Variants in NOTCH2NLC observed in about 807,000 individuals in gnomAD.
NOTCH2NLC encodes notch homolog 2 N-terminal-like protein C.
A neutral mutation model predicts 17.7 loss-of-function variants in NOTCH2NLC; 4 were observed. The ratio of observed to expected loss-of-function variants is 0.23; its 90% CI spans 0.11 to 0.52. The LOEUF is 0.52. NOTCH2NLC is among the 20% of genes least tolerant of loss of function. The probability of loss-of-function intolerance (pLI) is 0.96; values close to 1 mark genes in which losing one functional copy is unlikely to be tolerated. For synonymous variants in NOTCH2NLC, 18 were observed against 86.0 expected (o/e 0.21, Z 4.38); for missense variants, 57 against 207.2 (o/e 0.28, Z 4.45).
intron 1 of NOTCH2NLC, among the ~76,000 whole-genome samples, chr1:149,400,140 T>TATATA (rs1177183791): frequency 4.8e-4 from 60 of 124,180 alleles, no homozygotes; most frequent in South Asian, 2.8e-3. Context: ...ATAATATATA[T>TATATA]TTTTTTTTTA....
rs878889477 is a variant in NOTCH2NLC, at chr1:149,462,833, A to ATTTT, written c.470-641_470-638dup. Among the ~76,000 whole-genome samples the ATTTT allele has an allele frequency of 4.3e-5, 5 of 117,066 alleles. 1 individual carries two copies. Among genetic ancestry groups the ATTTT allele is most frequent in the East Asian group, 2.5e-4 (1 of 3,968 alleles). 76.8% of individuals were successfully genotyped at this position (117,066 alleles called of 152,430 possible). On this transcript the variant is annotated intron_variant, in intron 3 of 4. Transcript: ENST00000650865. ...CACTAGGAAAACAGACGGGAAGTTG[A>ATTTT]TTTTTTTTTTTTTTTTTTTTGAAAT...
At chr1:149,430,058 C>G (rs1375583253) in intron 1 of NOTCH2NLC, among the ~76,000 whole-genome samples, 9 of 150,234 alleles carry the variant, frequency 6.0e-5, no homozygotes, top group African/African-American at 2.2e-4. Flanking sequence ...AATTATCCAG[C>G]AAGTGATTGG....
At chr1:149,399,864 G>A (rs2084233000) in intron 1 of NOTCH2NLC, among the ~76,000 whole-genome samples, 8 of 148,322 alleles carry the variant, frequency 5.4e-5, no homozygotes. Flanking sequence ...GGTTTACGTA[G>A]CAACAGAATT....
chr1:149,416,269 G>A (rs1376479229), intron 1 of NOTCH2NLC, among the ~76,000 whole-genome samples: 1 of 75,022 alleles, frequency 1.3e-5, no homozygotes, highest in East Asian at 3.9e-4. Context: ...TTGTTGGTTT[G>A]GGAAGGTGAG....
chr1:149,460,259 T>C (rs1287927270), intron 3 of NOTCH2NLC, among the ~76,000 whole-genome samples: 1 of 149,544 alleles, frequency 6.7e-6, no homozygotes, highest in Non-Finnish European at 1.5e-5. Context: ...TTCTTCATAA[T>C]TAAAATGTCA....
At chr1:149,419,334 G>A (rs1471635356) in intron 1 of NOTCH2NLC, among the ~76,000 whole-genome samples, 1 of 150,654 alleles carries the variant, frequency 6.6e-6, no homozygotes, top group Non-Finnish European at 1.5e-5. Context: ...AGGTGTTGCT[G>A]CAAATGGAGA....
chr1:149,429,431 A>T (rs1246814408), intron 1 of NOTCH2NLC, among the ~76,000 whole-genome samples: 1 of 150,034 alleles, frequency 6.7e-6, no homozygotes, highest in Non-Finnish European at 1.5e-5. Flanking sequence ...GGCAGTAGGC[A>T]GGCCACTTAT....
chr1:149,417,141 G>A (rs2084340473), intron 1 of NOTCH2NLC, among the ~76,000 whole-genome samples: 1 of 106,702 alleles, frequency 9.4e-6, no homozygotes, highest in Non-Finnish European at 1.7e-5. Flanking sequence ...ACAGAGTCTC[G>A]CTCTTTCGCC....
chr1:149,395,995 G>C (rs1425125514), intron 1 of NOTCH2NLC, among the ~76,000 whole-genome samples: 1 of 151,066 alleles, frequency 6.6e-6, no homozygotes, highest in Non-Finnish European at 1.5e-5. Flanking sequence ...TACAGAACTT[G>C]TCTGGCATGT....
chr1:149,443,524 C>T (rs1423603667), intron 2 of NOTCH2NLC, among the ~76,000 whole-genome samples: 3 of 149,792 alleles, frequency 2.0e-5, no homozygotes, highest in African/African-American at 7.4e-5. Context: ...AACACAGGCT[C>T]AGGGTTATAA....
At chr1:149,405,489 C>G (rs1288083984) in intron 1 of NOTCH2NLC, among the ~76,000 whole-genome samples, 1 of 147,264 alleles carries the variant, frequency 6.8e-6, no homozygotes, top group East Asian at 2.0e-4. Flanking sequence ...TCCAGATCAC[C>G]TAGCCAGTCA....
At chr1:149,429,836 A>G (rs1341517064) in intron 1 of NOTCH2NLC, among the ~76,000 whole-genome samples, 3 of 149,998 alleles carry the variant, frequency 2.0e-5, no homozygotes, top group Non-Finnish European at 3.0e-5. Context: ...GGAGGGGGGA[A>G]CTTCTCAGTT....
chr1:149,398,291 A>G (rs1266918075), intron 1 of NOTCH2NLC, among the ~76,000 whole-genome samples: 6 of 149,798 alleles, frequency 4.0e-5, no homozygotes. Context: ...GTAAATATAA[A>G]TTTGGCACAT....
chr1:149,460,563 G>A (rs1271179522), intron 3 of NOTCH2NLC, among the ~76,000 whole-genome samples: 49 of 149,616 alleles, frequency 3.3e-4, no homozygotes, highest in East Asian at 6.0e-4. Flanking sequence ...GGTCTGGATC[G>A]CCTGACCTCA....
At position 149,392,903 on chromosome 1, in the gene NOTCH2NLC, C is replaced by T. The variant is rs1315832659; in HGVS notation, c.135+1981C>T. The stretch of plus-strand genomic sequence containing the variant: ...CGGCTAAAACGGTGAAACCCCGTCT[C>T]TACTAAAAATACAAAAAATTAGCCG... On this transcript the variant is annotated intron_variant, in intron 1 of 4. Transcript: ENST00000650865. 4.7e-4 allele frequency among the ~76,000 whole-genome samples: 71 copies of T among 150,172 alleles called. 3 individuals are homozygous for T. The highest frequency in any genetic ancestry group is 7.7e-4 in the Non-Finnish European group (52 of 67,204).
chr1:149,419,855 A>ATTTTTT (rs1166865199), intron 1 of NOTCH2NLC, among the ~76,000 whole-genome samples: 20 of 78,198 alleles, frequency 2.6e-4, no homozygotes, highest in East Asian at 9.4e-4. Flanking sequence ...ATATATATAT[A>ATTTTTT]TTTTTTTTTT....
chr1:149,410,457 C>G (rs1194268718), intron 1 of NOTCH2NLC, among the ~76,000 whole-genome samples: 1 of 143,990 alleles, frequency 6.9e-6, no homozygotes, highest in South Asian at 2.2e-4. Context: ...AATTACTGGG[C>G]TCAATCTAGT....
chr1:149,395,536 C>T (rs1480651127), intron 1 of NOTCH2NLC, among the ~76,000 whole-genome samples: 1 of 150,604 alleles, frequency 6.6e-6, no homozygotes, highest in Non-Finnish European at 1.5e-5. Context: ...AAAGGCACTG[C>T]CACCCACCCC....
At chr1:149,401,105 ATGT>A (rs2084243608) in intron 1 of NOTCH2NLC, among the ~76,000 whole-genome samples, 1 of 149,892 alleles carries the variant, frequency 6.7e-6, no homozygotes, top group Non-Finnish European at 1.5e-5. Context: ...TAGGAGATCA[ATGT>A]TGTTGCTAAA....
Sources: gnomAD v4.1 joint callset for allele counts (sites outside exome capture counted in the v4.1 genomes callset) on GRCh38, gnomAD v4.1.1 for gene constraint, MANE v1.5 for transcripts, NCBI Gene and HGNC (gene_info 2026-07-23, HGNC 2026-07-21) for gene names.